The following ACTR3C variants were observed in gnomAD, a reference collection of about 807,000 sequenced individuals.
ACTR3C encodes the protein actin related protein 3C.
Under a neutral mutation model 26.3 loss-of-function variants are expected in ACTR3C, and 18 were observed. That is an observed-to-expected ratio of 0.68 (90% CI 0.47 to 1.01). The LOEUF (loss-of-function observed/expected upper bound fraction) is 1.01. Ranked by LOEUF, ACTR3C falls within the 50% of genes least tolerant of loss-of-function variation. The probability of loss-of-function intolerance (pLI) is 0.00; values close to 1 mark genes in which losing one functional copy is unlikely to be tolerated. For synonymous variants in ACTR3C, 55 were observed against 94.5 expected (o/e 0.58, Z 2.42); for missense variants, 184 against 250.7 (o/e 0.73, Z 1.80).
At chr7:150,170,594 T>G in the ACTR3C span, among the ~76,000 whole-genome samples, 17 of 150,888 alleles carry the variant, frequency 1.1e-4, no homozygotes, top group South Asian at 3.5e-3. Flanking sequence ...TGGTAACATG[T>G]GGCCTTTGTG....
the ACTR3C span, among the ~76,000 whole-genome samples, chr7:150,041,195 T>G: frequency 6.6e-6 from 1 of 150,410 alleles, no homozygotes; most frequent in Admixed American, 6.6e-5. Flanking sequence ...ATTTCAAAAG[T>G]TCCGGGTCCC....
chr7:150,134,690 C>T, the ACTR3C span, among the ~76,000 whole-genome samples: 1 of 152,282 alleles, frequency 6.6e-6, no homozygotes, highest in Non-Finnish European at 1.5e-5. Flanking sequence ...GTCTTTGATT[C>T]CACCCTCTCC....
At chr7:150,142,175 G>A in the ACTR3C span, among the ~76,000 whole-genome samples, 128 of 152,252 alleles carry the variant, frequency 8.4e-4, no homozygotes, top group Middle Eastern at 3.4e-3. Context: ...GTGTAGCTGG[G>A]GCTAGGGTGA....
chr7:150,168,304 T>C, the ACTR3C span, among the ~76,000 whole-genome samples: 1 of 150,686 alleles, frequency 6.6e-6, no homozygotes, highest in Non-Finnish European at 1.5e-5. Context: ...TAGATTCTCA[T>C]AGGAGCTGGA....
the ACTR3C span, among the ~76,000 whole-genome samples, chr7:150,143,537 A>G: frequency 1.3e-5 from 2 of 152,300 alleles, no homozygotes; most frequent in Admixed American, 6.5e-5. Flanking sequence ...CAATCAAGAC[A>G]TGGAACCTTC....
rs1182821943 is a variant in ACTR3C at position 150,319,847 on chromosome 7, A to G, written c.-52+3622T>C. Among the ~76,000 whole-genome samples the G allele has an allele frequency of 2.0e-5, 3 of 152,286 alleles. No individual in the cohort carries two copies. In the East Asian group the frequency reaches 5.8e-4, roughly 29 times the overall value. Reference sequence around the variant, plus strand: ...CAGGGATGCTGTATCTGGAAGCTCTAGGGGCAGGAGCCAGTCCTATTTATC... The same window carrying G: ...CAGGGATGCTGTATCTGGAAGCTCTGGGGGCAGGAGCCAGTCCTATTTATC... On this transcript the variant is annotated intron_variant, in intron 1 of 7. Transcript: ENST00000683684.
chr7:149,958,444 A>G, the ACTR3C span, among the ~76,000 whole-genome samples: 1 of 152,216 alleles, frequency 6.6e-6, no homozygotes. Flanking sequence ...GTCTCTATCC[A>G]AGTCTATTAC....
At chr7:150,048,911 G>C in the ACTR3C span, among the ~76,000 whole-genome samples, 2 of 152,104 alleles carry the variant, frequency 1.3e-5, no homozygotes, top group Non-Finnish European at 2.9e-5. Flanking sequence ...ACGCCCAGAG[G>C]CCCAGGCGCC....
chr7:150,197,832 C>G, the ACTR3C span, among the ~76,000 whole-genome samples: 1 of 150,320 alleles, frequency 6.7e-6, no homozygotes, highest in African/African-American at 2.5e-5. Context: ...GGAAACACTA[C>G]TGTTTAACAT....
At chr7:150,126,393 TG>T in the ACTR3C span, among the ~76,000 whole-genome samples, 1 of 152,360 alleles carries the variant, frequency 6.6e-6, no homozygotes, top group African/African-American at 2.4e-5. Context: ...ACTTCTTTTT[TG>T]GGGTCACAAA....
chr7:150,228,152 C>T, the ACTR3C span, among the ~76,000 whole-genome samples: 1 of 152,090 alleles, frequency 6.6e-6, no homozygotes, highest in African/African-American at 2.4e-5. Context: ...CTATCATTCT[C>T]GATATTGAGC....
At chr7:149,974,682 T>A in the ACTR3C span, among the ~76,000 whole-genome samples, 2 of 152,178 alleles carry the variant, frequency 1.3e-5, no homozygotes, top group Admixed American at 6.5e-5. Flanking sequence ...AGGTAATTAC[T>A]GTCAAACCAA....
chr7:149,947,339 G>GC, the ACTR3C span, among the ~76,000 whole-genome samples: 1 of 81,772 alleles, frequency 1.2e-5, no homozygotes, highest in African/African-American at 6.3e-5. Flanking sequence ...TCGGTGGGGA[G>GC]CCCCCCAAGA....
chr7:150,129,299 C>G, the ACTR3C span, among the ~76,000 whole-genome samples: 1 of 152,148 alleles, frequency 6.6e-6, no homozygotes, highest in East Asian at 1.9e-4. Context: ...TGGTTGAATA[C>G]TGAACACTTT....
chr7:150,216,214 A>T, the ACTR3C span, among the ~76,000 whole-genome samples: 6 of 152,242 alleles, frequency 3.9e-5, no homozygotes, highest in East Asian at 1.2e-3. Flanking sequence ...ATTATAAGTA[A>T]TACAAAGAAT....
the ACTR3C span, among the ~76,000 whole-genome samples, chr7:149,994,268 A>C: frequency 3.3e-5 from 5 of 152,194 alleles, no homozygotes; most frequent in Admixed American, 2.6e-4. Context: ...TCGAAGGGGC[A>C]AGTCTGTGGC....
At chr7:150,140,798 T>C in the ACTR3C span, among the ~76,000 whole-genome samples, 15,658 of 152,218 alleles carry the variant, frequency 0.1, 2,227 homozygotes, top group African/African-American at 0.32. Flanking sequence ...TTATGCTGAG[T>C]GAGGAAGGCA....
the ACTR3C span, among the ~76,000 whole-genome samples, chr7:150,100,766 C>T: frequency 2.0e-5 from 3 of 151,240 alleles, no homozygotes; most frequent in African/African-American, 4.9e-5. Context: ...TGCAGTGGTG[C>T]GATCTTGGCT....
chr7:149,951,877 T>G, the ACTR3C span, among the ~76,000 whole-genome samples: 1 of 150,378 alleles, frequency 6.6e-6, no homozygotes, highest in Non-Finnish European at 1.5e-5. Context: ...GCAGAACTGG[T>G]GACTGCATCA....
Sources: allele counts gnomAD v4.1 joint callset (sites outside exome capture counted in the v4.1 genomes callset), GRCh38; gene constraint gnomAD v4.1.1; transcripts MANE v1.5; gene names NCBI Gene and HGNC (gene_info 2026-07-23, HGNC 2026-07-21).